The following PDE7B variants were observed in gnomAD, a reference collection of about 807,000 sequenced individuals.
PDE7B encodes the protein phosphodiesterase 7B.
In PDE7B, 29 loss-of-function variants were observed where a neutral mutation model predicts 56.2. That is an observed-to-expected ratio of 0.52 (90% confidence interval 0.38 to 0.70). The LOEUF (loss-of-function observed/expected upper bound fraction) is 0.70, where lower values mean the gene tolerates loss of function less well. Among genes scored for constraint, PDE7B ranks in the 30% least tolerant of loss-of-function variants. PDE7B has a pLI of 0.00. For missense variants in PDE7B, 490 were observed against 565.0 expected, an observed-to-expected ratio of 0.87 and a Z score of 1.35; for synonymous variants, 197 against 196.9, an observed-to-expected ratio of 1.00 and a Z score of 0.00.
At chr6:136,064,906 C>T (rs908444238) in intron 2 of PDE7B, among the ~76,000 whole-genome samples, 1 of 152,156 alleles carries the variant, frequency 6.6e-6, no homozygotes, top group African/African-American at 2.4e-5. Context: ...TGCTCTATGC[C>T]TGGCACTTGA....
intron 2 of PDE7B, among the ~76,000 whole-genome samples, chr6:136,007,955 G>C (rs1216812059): frequency 1.3e-5 from 2 of 151,784 alleles, no homozygotes; most frequent in African/African-American, 4.8e-5. Flanking sequence ...TTAACATTAG[G>C]TATATCTCCT....
At chr6:136,130,321 G>A (rs1461247531) in intron 3 of PDE7B, among the ~76,000 whole-genome samples, 3 of 151,992 alleles carry the variant, frequency 2.0e-5, no homozygotes, top group African/African-American at 7.3e-5. Flanking sequence ...CTTCTCTCTT[G>A]ATCTCCCTTC....
chr6:135,869,220 T>C (rs9385745), intron 1 of PDE7B, among the ~76,000 whole-genome samples: 8,731 of 152,152 alleles, frequency 0.057, 337 homozygotes, highest in East Asian at 0.12. Flanking sequence ...TGTGAAAGTA[T>C]CTGTAATTTG....
intron 1 of PDE7B, among the ~76,000 whole-genome samples, chr6:135,857,025 C>A: frequency 6.0e-5 from 1 of 16,718 alleles, no homozygotes; most frequent in Non-Finnish European, 3.0e-4. Context: ...TACTCCTTTT[C>A]CTCCCTCCCT....
chr6:136,050,117 C>T (rs1208790371), intron 2 of PDE7B, among the ~76,000 whole-genome samples: 3 of 152,166 alleles, frequency 2.0e-5, no homozygotes, highest in Non-Finnish European at 4.4e-5. Context: ...TCAACTCCAG[C>T]CGAGGCTTCT....
chr6:135,958,803 AAGCT>A (rs1452283116), intron 2 of PDE7B, among the ~76,000 whole-genome samples: 2 of 152,160 alleles, frequency 1.3e-5, no homozygotes, highest in African/African-American at 4.8e-5. Flanking sequence ...ATGGTATAGA[AAGCT>A]CAGTTTTCAT....
chr6:136,072,994 C>G (rs983850972), intron 2 of PDE7B, among the ~76,000 whole-genome samples: 1 of 152,162 alleles, frequency 6.6e-6, no homozygotes. Flanking sequence ...GCACCCTTCT[C>G]TTTTTGGAGA....
intron 1 of PDE7B, among the ~76,000 whole-genome samples, chr6:135,865,850 GCT>G (rs1583715904): frequency 1.3e-5 from 2 of 152,222 alleles, no homozygotes; most frequent in East Asian, 3.9e-4. Context: ...GAAGTCTGCA[GCT>G]ATTCATTTTT....
intron 1 of PDE7B, among the ~76,000 whole-genome samples, chr6:135,857,888 A>C (rs893566292): frequency 2.0e-5 from 3 of 152,148 alleles, no homozygotes; most frequent in African/African-American, 7.2e-5. Flanking sequence ...ACTTTTTAAA[A>C]ATTTCTGGAA....
intron 2 of PDE7B, among the ~76,000 whole-genome samples, chr6:136,046,950 G>A (rs1002267300): frequency 1.3e-5 from 2 of 152,066 alleles, no homozygotes; most frequent in African/African-American, 4.8e-5. Flanking sequence ...TATTCCAAAT[G>A]ATCTTCCACG....
At chr6:135,990,593 T>C (rs1227824706) in intron 2 of PDE7B, among the ~76,000 whole-genome samples, 1 of 152,208 alleles carries the variant, frequency 6.6e-6, no homozygotes, top group Non-Finnish European at 1.5e-5. Context: ...AAGTTAGACG[T>C]ATAGAAATAG....
chr6:135,935,900 G>A (rs1774412304), intron 1 of PDE7B, among the ~76,000 whole-genome samples: 1 of 152,134 alleles, frequency 6.6e-6, no homozygotes, highest in African/African-American at 2.4e-5. Flanking sequence ...ATGTGGAAAT[G>A]GTCAATACAA....
intron 2 of PDE7B, among the ~76,000 whole-genome samples, chr6:135,993,820 A>C (rs914445475): frequency 6.6e-6 from 1 of 152,208 alleles, no homozygotes; most frequent in East Asian, 1.9e-4. Flanking sequence ...TATCTTTCAT[A>C]AGACAAGTAC....
At chr6:136,165,085 T>A (rs572470223) in intron 8 of PDE7B, among the ~76,000 whole-genome samples, 1 of 152,066 alleles carries the variant, frequency 6.6e-6, no homozygotes, top group Admixed American at 6.6e-5. Flanking sequence ...CAAAATTCAC[T>A]GAATGAGCAG....
chr6:136,174,158 T>C (rs1480723888), intron 9 of PDE7B, among the ~76,000 whole-genome samples: 2 of 152,132 alleles, frequency 1.3e-5, no homozygotes, highest in African/African-American at 4.8e-5. Context: ...TTTCACACGC[T>C]TCAGTATCAG....
chr6:135,961,297 G>A (rs926277130), intron 2 of PDE7B, among the ~76,000 whole-genome samples: 1 of 148,362 alleles, frequency 6.7e-6, no homozygotes, highest in Non-Finnish European at 1.5e-5. Context: ...GTGTGTGTGT[G>A]TGTGTGTGTG....
intron 1 of PDE7B, among the ~76,000 whole-genome samples, chr6:135,878,135 A>G (rs1479067859): frequency 6.6e-6 from 1 of 152,208 alleles, no homozygotes; most frequent in Non-Finnish European, 1.5e-5. Context: ...CATCTGCCGC[A>G]ATATCCTGTT....
chr6:136,013,720 G>T (rs886483667), intron 2 of PDE7B, among the ~76,000 whole-genome samples: 1 of 152,226 alleles, frequency 6.6e-6, no homozygotes. Context: ...TTCAGCAGAT[G>T]AGAAGAACTC....
intron 2 of PDE7B, among the ~76,000 whole-genome samples, chr6:136,059,156 T>C (rs552607060): frequency 6.6e-6 from 1 of 152,256 alleles, no homozygotes; most frequent in African/African-American, 2.4e-5. Flanking sequence ...ATGCCAGAGA[T>C]TGCAATTTAT....
Sources: gnomAD v4.1 joint callset for allele counts (sites outside exome capture counted in the v4.1 genomes callset) on GRCh38, gnomAD v4.1.1 for gene constraint, MANE v1.5 for transcripts, NCBI Gene and HGNC (gene_info 2026-07-23, HGNC 2026-07-21) for gene names.